Variants in KCTD15 observed in about 807,000 individuals in gnomAD.
The protein encoded by KCTD15 is BTB/POZ domain-containing protein KCTD15.
Under a neutral mutation model 27.2 loss-of-function variants are expected in KCTD15, and 11 were observed. The ratio of observed to expected loss-of-function variants is 0.41; its 90% CI spans 0.25 to 0.67. The LOEUF is 0.67. Among genes scored for constraint, KCTD15 ranks in the 30% least tolerant of loss-of-function variants. The pLI, the probability that KCTD15 is intolerant of heterozygous loss-of-function variation, is 0.35. For synonymous variants in KCTD15, 163 were observed against 176.0 expected (o/e 0.93, Z 0.58); for missense variants, 350 against 409.3 (o/e 0.86, Z 1.25).
chr19:33,811,648 A>G, intron 6 of KCTD15, 96 bp downstream of exon 6: 7 of 1,514,798 alleles, frequency 4.6e-6, no homozygotes, highest in Non-Finnish European at 6.3e-6. Flanking sequence ...GATCCCTGAA[A>G]CGGTGAAGCC....
At chr19:33,802,807 A>G (rs958900214) in intron 4 of KCTD15, among the ~76,000 whole-genome samples, 2 of 152,244 alleles carry the variant, frequency 1.3e-5, no homozygotes, top group African/African-American at 2.4e-5. Context: ...TGAAATTCAT[A>G]AAACCTTTGC....
At chr19:33,810,788 G>C (rs1484631744) in intron 5 of KCTD15, among the ~76,000 whole-genome samples, 1 of 151,600 alleles carries the variant, frequency 6.6e-6, no homozygotes, top group African/African-American at 2.4e-5. Flanking sequence ...TCTGACCCAG[G>C]CAGGCTTGGC....
Position 33,815,199 on chromosome 19 carries a change from TAAA to T in KCTD15, c.*2252_*2254del, listed in dbSNP as rs1976056063. On this transcript the variant is annotated 3_prime_UTR_variant, in exon 7 of 7. Transcript: ENST00000683859. ...TTGTGCTAAAAATAAAATTTATTAA[TAAA>T]GAAGGGGAAAAAGGAGTAACTCTAC... 1 of 152,170 alleles carries T rather than the reference TAAA, an allele frequency of 6.6e-6. No individual in the cohort carries two copies. Among genetic ancestry groups the T allele is most frequent in the South Asian group, 2.1e-4 (1 of 4,832 alleles). The allele number at this position is 152,170 out of a possible 1,614,324, so 9.4% of individuals were successfully genotyped here. A position where few individuals can be genotyped will look rare whatever the true frequency, so the allele number is the denominator to read the frequency against.
chr19:33,795,701 AGGAGTG>A (rs1462524396), upstream of KCTD15, among the ~76,000 whole-genome samples: 2 of 151,952 alleles, frequency 1.3e-5, no homozygotes, highest in African/African-American at 4.8e-5. Context: ...GAAGGGGAGG[AGGAGTG>A]GGAGTGGGAG....
intron 4 of KCTD15, 113 bp from the exon 5 acceptor site, chr19:33,806,750 A>T: frequency 8.3e-7 from 1 of 1,207,612 alleles, no homozygotes; most frequent in Non-Finnish European, 1.2e-6. Flanking sequence ...CACCCATGTC[A>T]GGTCCCTCGC....
At chr19:33,812,229 A>G in intron 6 of KCTD15, 1 of 1,058,026 alleles carries the variant, frequency 9.5e-7, no homozygotes, top group South Asian at 4.2e-5. Flanking sequence ...CAGAGGCACA[A>G]ACCCACATAG....
chr19:33,812,370 T>C, intron 6 of KCTD15: 1 of 1,026,120 alleles, frequency 9.7e-7, no homozygotes, highest in Non-Finnish European at 1.2e-6. Context: ...AGCTGGTGGA[T>C]GCCTAGAGGC....
rs1320811725 is a variant in KCTD15 at position 33,806,983 on chromosome 19, G to C, written c.363G>C (p.Lys121Asn). ...TCCTGAGCTTCCTGCGGACGTCCAA[G>C]CTGCTGCTTCCGGATGACTTTAAGG... ...RYVLSFLRTS[K>N]LLLPDDFKDF... Residue 121 changes from lysine (K) to asparagine (N), a missense_variant, in exon 5 of 7, where the codon AAG (lysine) becomes AAC (asparagine). This residue lies in a region of KCTD15 where 54 missense variants were observed against 101.8 expected (regional missense o/e 0.53). Transcript: ENST00000683859. 3.7e-6 allele frequency: 6 copies of C among 1,614,036 alleles called. No homozygotes were observed. Among genetic ancestry groups the C allele is most frequent in the Admixed American group, 1.7e-5 (1 of 60,000 alleles).
chr19:33,809,134 G>A (rs1008798673), intron 5 of KCTD15, among the ~76,000 whole-genome samples: 3 of 151,942 alleles, frequency 2.0e-5, no homozygotes, highest in Non-Finnish European at 2.9e-5. Context: ...AAAATGAGCC[G>A]GGCGTGGTGG....
intron 1 of KCTD15, among the ~76,000 whole-genome samples, chr19:33,798,096 G>T (rs867570757): frequency 2.8e-4 from 42 of 152,182 alleles, no homozygotes; most frequent in Middle Eastern, 6.8e-3. Flanking sequence ...GGGAGGGGGG[G>T]GGTGGGGAGG....
intron 4 of KCTD15, among the ~76,000 whole-genome samples, chr19:33,802,375 A>G (rs922237805): frequency 2.6e-5 from 4 of 152,306 alleles, no homozygotes; most frequent in African/African-American, 7.2e-5. Flanking sequence ...GGCAGGCTGC[A>G]TTGTCACCGG....
At chr19:33,795,321 G>C (rs1975281961), upstream of KCTD15, among the ~76,000 whole-genome samples, 1 of 152,136 alleles carries the variant, frequency 6.6e-6, no homozygotes, top group East Asian at 1.9e-4. Flanking sequence ...GCGCTGTCTG[G>C]ACGCTCTCTC....
chr19:33,802,701 A>G (rs1408880797), intron 4 of KCTD15, among the ~76,000 whole-genome samples: 1 of 152,088 alleles, frequency 6.6e-6, no homozygotes, highest in Non-Finnish European at 1.5e-5. Flanking sequence ...AGGATGGGAG[A>G]TAGATTCTGC....
intron 1 of KCTD15, chr19:33,797,269 TGTGTGTGTGTGTGTGCGCGCGC>T (rs1408302621): frequency 6.5e-6 from 2 of 305,614 alleles, no homozygotes; most frequent in Admixed American, 4.3e-5. Flanking sequence ...TGTGTGTGTG[TGTGTGTGTGTGTGTGCGCGCGC>T]GCGCGCGCGC....
chr19:33,807,003 T>C lies in KCTD15; in HGVS notation c.383T>C (p.Phe128Ser). ...TCCAAGCTGCTGCTTCCGGATGACT[T>C]TAAGGTAAGTCCATGGCTGGTGGCC... ...RTSKLLLPDDFKDFSLLYEEA... is the reference protein window; with the variant it reads ...RTSKLLLPDDSKDFSLLYEEA... The change falls in exon 5 of 7, where the codon TTT (phenylalanine) becomes TCT (serine). Residue 128 changes from phenylalanine to serine, a missense_variant. This residue lies in a region of KCTD15 where 219 missense variants were observed against 234.9 expected (regional missense o/e 0.93). Coordinates refer to ENST00000683859, the MANE Select transcript of KCTD15 (RefSeq NM_001129994.2). The C allele has an allele frequency of 6.2e-7, 1 of 1,613,914 alleles. No individual in the cohort carries two copies. Among genetic ancestry groups the C allele is most frequent in the Non-Finnish European group, 8.5e-7 (1 of 1,179,934 alleles).
In KCTD15 at chr19:33,814,252, G is replaced by T; in HGVS notation, c.*1304G>T. 6.5e-6 allele frequency: 1 copy of T among 152,746 alleles called. No individual in the cohort carries two copies. Among genetic ancestry groups the T allele is most frequent in the Non-Finnish European group, 1.5e-5 (1 of 68,062 alleles). The allele number at this position is 152,746 out of a possible 1,614,324, so 9.5% of individuals were successfully genotyped here. A position where few individuals can be genotyped will look rare whatever the true frequency, so the allele number is the denominator to read the frequency against. On this transcript the variant is annotated 3_prime_UTR_variant, in exon 7 of 7. Transcript: ENST00000683859. Reference sequence around the variant, plus strand: ...GATGCTCTCAAGCAAAAGACTGGAGGCTCTGTCCTGTGCAGAAGCAGCAGC... The same window carrying T: ...GATGCTCTCAAGCAAAAGACTGGAGTCTCTGTCCTGTGCAGAAGCAGCAGC...
intron 4 of KCTD15, 126 bp from the exon 5 acceptor site, chr19:33,806,737 A>G: frequency 1.9e-6 from 2 of 1,059,218 alleles, no homozygotes; most frequent in Non-Finnish European, 2.8e-6. Context: ...ACAGTTCCAG[A>G]GTCACCCATG....
At chr19:33,802,010 C>T (rs1239561988) in intron 4 of KCTD15, among the ~76,000 whole-genome samples, 1 of 152,194 alleles carries the variant, frequency 6.6e-6, no homozygotes, top group Admixed American at 6.5e-5. Context: ...ACCCTCCATG[C>T]TGCTGAACTT....
At chr19:33,807,385 C>G (rs371473653) in intron 5 of KCTD15, among the ~76,000 whole-genome samples, 1 of 151,510 alleles carries the variant, frequency 6.6e-6, no homozygotes, top group Non-Finnish European at 1.5e-5. Flanking sequence ...GTCAGGAGTT[C>G]AAGACCAACT....
Sources: gnomAD v4.1 joint callset for allele counts (sites outside exome capture counted in the v4.1 genomes callset) on GRCh38, gnomAD v4.1.1 for gene constraint, gnomAD v4.1.1 regional missense constraint, MANE v1.5 for transcripts, NCBI Gene and HGNC (gene_info 2026-07-23, HGNC 2026-07-21) for gene names.